MS4A6E: variants seen among roughly 807,000 people sequenced by gnomAD.
MS4A6E encodes membrane spanning 4-domains A6E.
MS4A6E carries 8 observed loss-of-function variants against 13.2 expected under a neutral mutation model. The ratio of observed to expected loss-of-function variants is 0.60; its 90% CI spans 0.35 to 1.09. The LOEUF (loss-of-function observed/expected upper bound fraction) is 1.09, where lower values mean the gene tolerates loss of function less well. Ranked by LOEUF, MS4A6E falls within the 50% of genes least tolerant of loss-of-function variation. The pLI is 0.02. For synonymous variants in MS4A6E, 72 were observed against 67.6 expected (o/e 1.06, Z -0.32); for missense variants, 177 against 171.1 (o/e 1.03, Z -0.19).
At chr11:60,333,053 C>T (rs1017943290) in intron 1 of MS4A6E, among the ~76,000 whole-genome samples, 2 of 152,228 alleles carry the variant, frequency 1.3e-5, no homozygotes, top group Middle Eastern at 3.2e-3. Flanking sequence ...AAACTTCTCA[C>T]TTACATATGA....
Position 60,339,923 on chromosome 11 carries a change from A to T in MS4A6E, c.412A>T (p.Thr138Ser), listed in dbSNP as rs764390591. The change falls in exon 4 of 5, where the codon ACT becomes TCT. Residue 138 changes from threonine to serine, a missense_variant. Physicochemically the swap from Thr to Ser is moderately conservative, Grantham distance 58. Transcript: ENST00000684409. ...GTTGGAGTTCTGCCTAGCTGTGCTC[A>T]CTGCTGTGCTGCAGTGGAAACAGAC... is the stretch of plus-strand genomic sequence containing the variant. Reference protein sequence around the residue: ...TVLEFCLAVLTAVLQWKQTV With the variant: ...TVLEFCLAVLSAVLQWKQTV 2 of 1,613,874 alleles carry T rather than the reference A, an allele frequency of 1.2e-6. No individual in the cohort carries two copies. Among genetic ancestry groups the T allele is most frequent in the Admixed American group, 1.7e-5 (1 of 60,022 alleles).
At chr11:60,336,553 A>G (rs2085189743) in intron 2 of MS4A6E, among the ~76,000 whole-genome samples, 1 of 152,210 alleles carries the variant, frequency 6.6e-6, no homozygotes, top group Non-Finnish European at 1.5e-5. Context: ...ACATTGTACC[A>G]GCCCTTTTTG....
Position 60,334,868 on chromosome 11 carries a change from T to C in MS4A6E, c.-14-14T>C. On this transcript the variant is annotated splice_polypyrimidine_tract_variant and intron_variant, in intron 1 of 4. Transcript: ENST00000684409. The stretch of plus-strand genomic sequence containing the variant: ...CTGTACTTTTAAGAGCTAAATCTAT[T>C]TTTTCTTCCGTAGTTGGCAACACCA... 1.4e-5 allele frequency: 22 copies of C among 1,611,874 alleles called. No individual in the cohort carries two copies. The highest frequency in any genetic ancestry group is 1.8e-5 in the Non-Finnish European group (21 of 1,178,616).
At chr11:60,339,663 T>A (rs2085211050) in intron 3 of MS4A6E, among the ~76,000 whole-genome samples, 1 of 152,212 alleles carries the variant, frequency 6.6e-6, no homozygotes, top group Admixed American at 6.5e-5. Flanking sequence ...CTACTCATCT[T>A]CCCTTCTCTT....
Position 60,337,773 on chromosome 11 carries a change from T to A in MS4A6E, c.180T>A (p.Ser60Arg), listed in dbSNP as rs2085197728. Residue 60 changes from serine (S) to arginine (R), a missense_variant, in exon 3 of 5, where the codon AGT (serine) becomes AGA (arginine). Ser to Arg is a moderately radical substitution (Grantham distance 110, BLOSUM62 -1). Coordinates refer to ENST00000684409, the MANE Select transcript of MS4A6E (RefSeq NM_139249.4). ...GCAGCCTGGCTGGAAGCATTCTGAG[T>A]GCTCTGTCTGCCCTGGTGGGTTTCA... ...VHSSLAGSIL[S>R]ALSALVGFIL... is the part of the protein sequence containing the mutation. The A allele has an allele frequency of 1.2e-6, 2 of 1,614,212 alleles. No individual in the cohort carries two copies.
intron 2 of MS4A6E, among the ~76,000 whole-genome samples, chr11:60,336,660 G>A (rs1450174281): frequency 6.6e-6 from 1 of 152,148 alleles, no homozygotes; most frequent in Non-Finnish European, 1.5e-5. Context: ...AGGAGGCCCA[G>A]GAGTGTACAC....
chr11:60,333,180 G>A (rs1400425797), intron 1 of MS4A6E, among the ~76,000 whole-genome samples: 2 of 152,214 alleles, frequency 1.3e-5, no homozygotes, highest in Non-Finnish European at 2.9e-5. Context: ...ACTTCCTGTT[G>A]CCCAATACTA....
chr11:60,328,657 A>C (rs2085134954), intron 1 of MS4A6E, among the ~76,000 whole-genome samples: 1 of 152,224 alleles, frequency 6.6e-6, no homozygotes, highest in Non-Finnish European at 1.5e-5. Flanking sequence ...AGACACAGAG[A>C]CATATTGCAC....
intron 1 of MS4A6E, among the ~76,000 whole-genome samples, chr11:60,333,244 T>C (rs200734316): frequency 1.6e-5 from 1 of 63,770 alleles, no homozygotes; most frequent in Admixed American, 1.8e-4. Flanking sequence ...ACACATGAAT[T>C]TTTTTCTTTC....
At chr11:60,330,661 GC>G (rs1318417889) in intron 1 of MS4A6E, among the ~76,000 whole-genome samples, 2 of 152,014 alleles carry the variant, frequency 1.3e-5, no homozygotes, top group Non-Finnish European at 2.9e-5. Flanking sequence ...TGTTGCAATT[GC>G]TTTTGGTTTT....
At chr11:60,335,686 T>G (rs2085184616) in intron 2 of MS4A6E, 1 of 429,304 alleles carries the variant, frequency 2.3e-6, no homozygotes, top group Non-Finnish European at 4.6e-6. Context: ...CAGGACCTGG[T>G]GGGACTGGTT....
At chr11:60,331,631 CA>C (rs1267624526) in intron 1 of MS4A6E, among the ~76,000 whole-genome samples, 1 of 152,162 alleles carries the variant, frequency 6.6e-6, no homozygotes, top group Non-Finnish European at 1.5e-5. Context: ...CATTGCATCA[CA>C]TAAGGATGAA....
intron 3 of MS4A6E, among the ~76,000 whole-genome samples, chr11:60,339,413 T>G (rs902873796): frequency 5.9e-5 from 9 of 152,266 alleles, no homozygotes; most frequent in South Asian, 2.1e-4. Flanking sequence ...CTCTGAGAAA[T>G]AAATGTTAGT....
intron 1 of MS4A6E, among the ~76,000 whole-genome samples, chr11:60,329,110 A>G (rs1402801131): frequency 6.6e-6 from 1 of 152,170 alleles, no homozygotes; most frequent in Non-Finnish European, 1.5e-5. Flanking sequence ...CATCGTCTAC[A>G]TTAGGTATTT....
At chr11:60,342,173 GTGTGTGAGAGAGAGAGAGAGA>G (rs1565157549), downstream of MS4A6E, among the ~76,000 whole-genome samples, 24 of 32,850 alleles carry the variant, frequency 7.3e-4, no homozygotes, top group African/African-American at 2.2e-3. Flanking sequence ...GTGTGTGTGT[GTGTGTGAGAGAGAGAGAGAGA>G]GAGAGAGGGG....
rs963891266 is a variant in MS4A6E, at chr11:60,327,796, G to A, written c.-15+388G>A. On this transcript the variant is annotated intron_variant, in intron 1 of 4. Transcript: ENST00000684409. The stretch of plus-strand genomic sequence containing the variant: ...GTAATCCCATTCACTTTGGGAGGCC[G>A]AGGTGGGCAGATTACTGGAGGTCAG... Among the ~76,000 whole-genome samples, 5 of 152,058 alleles carry A rather than the reference G, an allele frequency of 3.3e-5. No individual in the cohort carries two copies. The East Asian group carries it at 5.8e-4, about 18-fold the overall frequency.
At chr11:60,329,125 T>G (rs1013463353) in intron 1 of MS4A6E, among the ~76,000 whole-genome samples, 2 of 152,178 alleles carry the variant, frequency 1.3e-5, no homozygotes, top group African/African-American at 4.8e-5. Context: ...GTATTTCTCC[T>G]AATGCTATCC....
At chr11:60,340,083 G>C in intron 4 of MS4A6E, 119 bp downstream of exon 4, 1 of 1,467,342 alleles carries the variant, frequency 6.8e-7, no homozygotes, top group Non-Finnish European at 9.3e-7. Flanking sequence ...ATACACATGG[G>C]AGGTCATTTA....
Position 60,331,608 on chromosome 11 carries a change from C to T in MS4A6E, c.-14-3274C>T, listed in dbSNP as rs185427279. The stretch of plus-strand genomic sequence containing the variant: ...TAAAAACACAACATAGATGATGTGA[C>T]TTACCAACTTTTCATTGCATCACAT... On this transcript the variant is annotated intron_variant, in intron 1 of 4. Coordinates refer to ENST00000684409, the MANE Select transcript of MS4A6E (RefSeq NM_139249.4). Among the ~76,000 whole-genome samples the T allele has an allele frequency of 7.9e-5, 12 of 152,266 alleles. No individual in the cohort carries two copies. The East Asian group carries it at 2.3e-3, about 29-fold the overall frequency.
Sources: allele counts gnomAD v4.1 joint callset (sites outside exome capture counted in the v4.1 genomes callset), GRCh38; gene constraint gnomAD v4.1.1; transcripts MANE v1.5; gene names NCBI Gene and HGNC (gene_info 2026-07-23, HGNC 2026-07-21).